Variants in TERF1 observed in about 807,000 individuals in gnomAD.
TERF1 encodes the protein telomeric repeat-binding factor 1.
A neutral mutation model predicts 55.1 loss-of-function variants in TERF1; 20 were observed. The observed-to-expected ratio is 0.36, with a 90% CI of 0.26 to 0.53. The LOEUF (loss-of-function observed/expected upper bound fraction) is 0.53. TERF1 is among the 20% of genes least tolerant of loss of function. The pLI is 0.91. For missense variants in TERF1, 439 were observed against 535.7 expected, an observed-to-expected ratio of 0.82 and a Z score of 1.78; for synonymous variants, 168 against 181.2, an observed-to-expected ratio of 0.93 and a Z score of 0.59.
chr8:73,026,429 G>T (rs1255056083), intron 5 of TERF1, among the ~76,000 whole-genome samples: 2 of 151,720 alleles, frequency 1.3e-5, no homozygotes, highest in African/African-American at 4.8e-5. Context: ...GAGCCCAGGA[G>T]GTTGAGGCTG....
At chr8:73,023,238 G>C (rs552210425) in intron 4 of TERF1, among the ~76,000 whole-genome samples, 2 of 152,334 alleles carry the variant, frequency 1.3e-5, no homozygotes, top group East Asian at 3.9e-4. Flanking sequence ...CTCCAAAGTA[G>C]TTATGTCAGT....
intron 5 of TERF1, 69 bp from the exon 6 acceptor site, chr8:73,026,871 A>T: frequency 8.6e-7 from 1 of 1,158,012 alleles, no homozygotes; most frequent in Non-Finnish European, 1.3e-6. Context: ...GGCTTAATTT[A>T]ATGCTATTTG....
At chr8:73,039,737 C>G (rs1211814952) in intron 9 of TERF1, among the ~76,000 whole-genome samples, 1 of 150,914 alleles carries the variant, frequency 6.6e-6, no homozygotes, top group Non-Finnish European at 1.5e-5. Context: ...TAGTTGTTCA[C>G]AGCAGATGGA....
intron 8 of TERF1, among the ~76,000 whole-genome samples, chr8:73,037,763 T>C (rs1246698175): frequency 8.4e-4 from 52 of 62,138 alleles, no homozygotes; most frequent in African/African-American, 2.7e-3. Flanking sequence ...TAATATTATA[T>C]AGTATAATAT....
Position 73,024,847 on chromosome 8 carries a change from T to C in TERF1, c.650T>C (p.Ile217Thr). The C allele has an allele frequency of 6.3e-7, 1 of 1,586,858 alleles. No homozygotes were observed. The change falls in exon 5 of 10, where the codon ATA (isoleucine) becomes ACA (threonine). Residue 217 changes from isoleucine (I) to threonine (T), a missense_variant. This residue lies in a region of TERF1 where 95 missense variants were observed against 167.2 expected (regional missense o/e 0.57). Coordinates refer to ENST00000276603, the MANE Select transcript of TERF1 (RefSeq NM_017489.3). ...HMPFKSKLLM[I>T]ISQKDTFHSF... Reference sequence around the variant, plus strand: ...CCTTTCAAAAGCAAATTGCTTATGATAATCTCTCAGAAAGATACATTTCAT... The same window carrying C: ...CCTTTCAAAAGCAAATTGCTTATGACAATCTCTCAGAAAGATACATTTCAT...
chr8:73,028,652 C>A (rs1809137814), intron 6 of TERF1, among the ~76,000 whole-genome samples: 1 of 134,056 alleles, frequency 7.5e-6, no homozygotes, highest in Non-Finnish European at 1.5e-5. Context: ...ATGGTACTTT[C>A]TAGCAGCACA....
rs771008370 is a variant in TERF1 at position 73,041,188 on chromosome 8, CA to C, written c.1143+1970del. Among the ~76,000 whole-genome samples, 79 of 152,102 alleles carry C rather than the reference CA, an allele frequency of 5.2e-4. 1 individual carries two copies. The highest frequency in any genetic ancestry group is 4.1e-4 in the Non-Finnish European group (28 of 68,006). On this transcript the variant is annotated intron_variant, in intron 9 of 9. Coordinates refer to ENST00000276603, the MANE Select transcript of TERF1 (RefSeq NM_017489.3). ...TTGCTGATAGCTAGACATGATATAT[CA>C]GGTAAAAGGAAATGAGATAAATGAT... is the stretch of plus-strand genomic sequence containing the variant.
At chr8:73,034,620 A>C (rs1235710911) in intron 8 of TERF1, among the ~76,000 whole-genome samples, 1 of 152,192 alleles carries the variant, frequency 6.6e-6, no homozygotes, top group Non-Finnish European at 1.5e-5. Context: ...AGGGAAAAAA[A>C]ATCAAGTTAA....
At chr8:73,037,764 AG>A (rs1809633706) in intron 8 of TERF1, among the ~76,000 whole-genome samples, 3 of 57,008 alleles carry the variant, frequency 5.3e-5, no homozygotes, top group African/African-American at 2.2e-4. Context: ...AATATTATAT[AG>A]TATAATATAT....
At chr8:73,033,886 A>G (rs1262438113) in intron 8 of TERF1, among the ~76,000 whole-genome samples, 1 of 152,220 alleles carries the variant, frequency 6.6e-6, no homozygotes, top group Non-Finnish European at 1.5e-5. Flanking sequence ...AGTGGTACCC[A>G]GGTACCCCCT....
chr8:73,033,927 G>A (rs1254924569), intron 8 of TERF1, among the ~76,000 whole-genome samples: 1 of 152,006 alleles, frequency 6.6e-6, no homozygotes, highest in African/African-American at 2.4e-5. Context: ...AATTTTGTTT[G>A]TGCTAAACCT....
chr8:73,009,820 GAATA>G (rs921518937), intron 1 of TERF1: 10 of 152,372 alleles, frequency 6.6e-5, no homozygotes, highest in African/African-American at 2.4e-4. Context: ...TACCCTGTAT[GAATA>G]AATAAATGAA....
At chr8:73,042,479 C>G (rs897226372) in intron 9 of TERF1, among the ~76,000 whole-genome samples, 1 of 151,798 alleles carries the variant, frequency 6.6e-6, no homozygotes, top group Non-Finnish European at 1.5e-5. Context: ...AAAAAACTTA[C>G]GGCAATAGCC....
At chr8:73,026,848 C>T in intron 5 of TERF1, 92 bp from the exon 6 acceptor site, 1 of 956,364 alleles carries the variant, frequency 1.0e-6, no homozygotes, top group Non-Finnish European at 1.6e-6. Flanking sequence ...CTATGACTAT[C>T]AAAGAATTAC....
chr8:73,015,456 C>G (rs1475259667), intron 2 of TERF1, among the ~76,000 whole-genome samples: 2 of 151,910 alleles, frequency 1.3e-5, no homozygotes, highest in African/African-American at 4.8e-5. Flanking sequence ...AATCCCAGTA[C>G]TTTGGGAGGC....
At chr8:73,014,327 A>G (rs1808404900) in intron 2 of TERF1, among the ~76,000 whole-genome samples, 1 of 151,982 alleles carries the variant, frequency 6.6e-6, no homozygotes, top group South Asian at 2.1e-4. Flanking sequence ...TCTGAAATAT[A>G]CATTTCTAAT....
intron 2 of TERF1, among the ~76,000 whole-genome samples, 190 bp from the exon 3 acceptor site, chr8:73,020,494 T>C (rs1276119002): frequency 6.6e-6 from 1 of 152,192 alleles, no homozygotes; most frequent in African/African-American, 2.4e-5. Flanking sequence ...CATCAACCTT[T>C]TTCTATTTGA....
At chr8:73,042,907 A>G (rs1452922343) in intron 9 of TERF1, 1 of 152,224 alleles carries the variant, frequency 6.6e-6, no homozygotes, top group Non-Finnish European at 1.5e-5. Context: ...AAAACAAAGG[A>G]AATGGGTTGT....
intron 5 of TERF1, 82 bp downstream of exon 5, chr8:73,025,053 T>G (rs1428319109): frequency 2.2e-6 from 2 of 891,894 alleles, no homozygotes; most frequent in African/African-American, 1.7e-5. Flanking sequence ...ATAGAAATCC[T>G]TTAAAATTAA....
Sources: allele counts gnomAD v4.1 joint callset (sites outside exome capture counted in the v4.1 genomes callset), GRCh38; gene constraint gnomAD v4.1.1; regional missense constraint gnomAD v4.1.1; transcripts MANE v1.5; gene names NCBI Gene and HGNC (gene_info 2026-07-23, HGNC 2026-07-21).